Variants in CADM2 observed in about 807,000 individuals in gnomAD.
CADM2 encodes the protein immunoglobulin superfamily member 4D.
CADM2 carries 12 observed loss-of-function variants against 49.8 expected under a neutral mutation model. The ratio of observed to expected loss-of-function variants is 0.24; its 90% CI spans 0.15 to 0.39. The LOEUF is 0.39. Ranked by LOEUF, CADM2 falls within the 10% of genes least tolerant of loss-of-function variation. CADM2 has a pLI of 1.00. For synonymous variants in CADM2, 214 were observed against 175.4 expected (o/e 1.22, Z -1.74); for missense variants, 378 against 492.3 (o/e 0.77, Z 2.20).
intron 5 of CADM2, among the ~76,000 whole-genome samples, chr3:85,908,660 CT>C (rs1456722990): frequency 2.0e-5 from 3 of 151,720 alleles, no homozygotes; most frequent in Non-Finnish European, 4.4e-5. Flanking sequence ...ATTCAGCCAT[CT>C]TTGTTTCATC....
At chr3:85,734,036 G>GC (rs1427173083) in intron 2 of CADM2, among the ~76,000 whole-genome samples, 1 of 151,934 alleles carries the variant, frequency 6.6e-6, no homozygotes, top group Non-Finnish European at 1.5e-5. Context: ...TTAAAACAAT[G>GC]CTACAACACC....
intron 2 of CADM2, among the ~76,000 whole-genome samples, chr3:85,752,806 C>G (rs1005526427): frequency 6.6e-6 from 1 of 151,806 alleles, no homozygotes; most frequent in Admixed American, 6.6e-5. Flanking sequence ...GAAGGTAACA[C>G]AAATAGTTTT....
At chr3:86,033,668 T>C (rs1734807611) in intron 8 of CADM2, among the ~76,000 whole-genome samples, 1 of 125,876 alleles carries the variant, frequency 7.9e-6, no homozygotes, top group African/African-American at 2.5e-5. Context: ...AGTTTATATA[T>C]ATGTATATAT....
chr3:85,042,251 G>A (rs1443796106), intron 1 of CADM2, among the ~76,000 whole-genome samples: 1 of 152,126 alleles, frequency 6.6e-6, no homozygotes, highest in Non-Finnish European at 1.5e-5. Flanking sequence ...GAGAACAACA[G>A]CTTCAACCCA....
chr3:85,583,709 G>A (rs1332390813), intron 1 of CADM2, among the ~76,000 whole-genome samples: 1 of 152,006 alleles, frequency 6.6e-6, no homozygotes, highest in Non-Finnish European at 1.5e-5. Context: ...CTTTTAAAAA[G>A]GGTAATAGAT....
chr3:85,179,033 A>C (rs1576052978), intron 1 of CADM2, among the ~76,000 whole-genome samples: 1 of 152,084 alleles, frequency 6.6e-6, no homozygotes, highest in African/African-American at 2.4e-5. Context: ...ATAAAATGAA[A>C]CCAACATGAT....
At chr3:85,805,676 A>T (rs1346679924) in intron 3 of CADM2, 1 of 152,186 alleles carries the variant, frequency 6.6e-6, no homozygotes, top group Non-Finnish European at 1.5e-5. Flanking sequence ...GCAATTACCT[A>T]ACTCTCACCA....
At chr3:85,544,735 T>G (rs979373506) in intron 1 of CADM2, among the ~76,000 whole-genome samples, 3 of 152,046 alleles carry the variant, frequency 2.0e-5, no homozygotes, top group African/African-American at 7.2e-5. Context: ...ATTCCTAGAT[T>G]GGGCATAATT....
intron 8 of CADM2, among the ~76,000 whole-genome samples, chr3:85,969,640 A>G (rs999829177): frequency 4.6e-5 from 7 of 151,250 alleles, no homozygotes; most frequent in Admixed American, 2.7e-4. Context: ...ATGTATATAT[A>G]TGTACACATA....
chr3:85,014,704 G>A (rs543431315), intron 1 of CADM2, among the ~76,000 whole-genome samples: 1 of 152,144 alleles, frequency 6.6e-6, no homozygotes, highest in Non-Finnish European at 1.5e-5. Context: ...AGCTCAACAG[G>A]AGCTTCCAAG....
At chr3:85,140,272 A>G (rs187441237) in intron 1 of CADM2, among the ~76,000 whole-genome samples, 1 of 152,292 alleles carries the variant, frequency 6.6e-6, no homozygotes, top group Admixed American at 6.5e-5. Context: ...TAGTAATTTA[A>G]TACCAGTTTA....
intron 1 of CADM2, among the ~76,000 whole-genome samples, chr3:85,458,792 AT>A (rs139748285): frequency 0.011 from 1,731 of 152,286 alleles, 36 homozygotes; most frequent in African/African-American, 0.039. Flanking sequence ...GACAAAAAAA[AT>A]CAAAGAAACT....
At chr3:85,486,155 G>C (rs750931974) in intron 1 of CADM2, among the ~76,000 whole-genome samples, 10 of 152,088 alleles carry the variant, frequency 6.6e-5, no homozygotes, top group East Asian at 1.9e-4. Context: ...AAATGATGTA[G>C]ACATTAAACT....
intron 1 of CADM2, among the ~76,000 whole-genome samples, chr3:85,024,147 G>T (rs1254115559): frequency 6.6e-6 from 1 of 152,034 alleles, no homozygotes; most frequent in African/African-American, 2.4e-5. Context: ...ACATGTTTTT[G>T]CTTTCTGATG....
chr3:85,170,898 G>A (rs1482771434), intron 1 of CADM2, among the ~76,000 whole-genome samples: 1 of 152,040 alleles, frequency 6.6e-6, no homozygotes, highest in Admixed American at 6.6e-5. Flanking sequence ...ATGTAAACCT[G>A]TTTTGTTTGA....
At chr3:85,081,508 T>A (rs1188891266) in intron 1 of CADM2, among the ~76,000 whole-genome samples, 2 of 152,196 alleles carry the variant, frequency 1.3e-5, no homozygotes, top group African/African-American at 4.8e-5. Context: ...TTCAAAAAAA[T>A]AATACACGAC....
At chr3:85,198,372 A>G (rs567283947) in intron 1 of CADM2, among the ~76,000 whole-genome samples, 1 of 151,222 alleles carries the variant, frequency 6.6e-6, no homozygotes, top group East Asian at 1.9e-4. Flanking sequence ...TCTTTTGATT[A>G]TATTCACTTA....
At chr3:85,292,041 C>T (rs1290629279) in intron 1 of CADM2, among the ~76,000 whole-genome samples, 3 of 151,650 alleles carry the variant, frequency 2.0e-5, no homozygotes, top group African/African-American at 4.9e-5. Context: ...ATTCAGGAAA[C>T]CCATCTCATG....
chr3:85,720,491 C>T (rs916194467), intron 1 of CADM2, among the ~76,000 whole-genome samples: 2 of 152,104 alleles, frequency 1.3e-5, no homozygotes, highest in Non-Finnish European at 2.9e-5. Context: ...TTCCATCCAT[C>T]CAATATTTGG....
Sources: gnomAD v4.1 joint callset for allele counts (sites outside exome capture counted in the v4.1 genomes callset) on GRCh38, gnomAD v4.1.1 for gene constraint, MANE v1.5 for transcripts, NCBI Gene and HGNC (gene_info 2026-07-23, HGNC 2026-07-21) for gene names.